Variants in ANKRD26 observed in about 807,000 individuals in gnomAD.
ANKRD26 encodes ankyrin repeat domain-containing protein 26.
In ANKRD26, 141 loss-of-function variants were observed where a neutral mutation model predicts 208.7. The observed-to-expected ratio is 0.68, with a 90% CI of 0.59 to 0.78. ANKRD26 has a LOEUF of 0.78. Ranked by LOEUF, ANKRD26 falls within the 30% of genes least tolerant of loss-of-function variation. ANKRD26 has a pLI of 0.00. For synonymous variants in ANKRD26, 636 were observed against 660.4 expected (o/e 0.96, Z 0.57); for missense variants, 1,889 against 1,938.7 (o/e 0.97, Z 0.48).
chr10:27,037,291 T>C lies in ANKRD26; in HGVS notation c.2592A>G (p.Gln864=). The change falls in exon 23 of 34, where the codon CAA becomes CAG. Residue 864 remains glutamine (Q), a synonymous_variant. Transcript: ENST00000376087. The stretch of plus-strand genomic sequence containing the variant: ...TTCTGGCATTCTGTTCTCGAGAAAG[T>C]TGCCTCTGAGCGTCATTTCGCTCTT... The part of the protein sequence containing the change: ...VVQERNDAQR[Q]LSREQNARML... 6.2e-7 allele frequency: 1 copy of C among 1,613,898 alleles called. No homozygotes were observed. Among genetic ancestry groups the C allele is most frequent in the Non-Finnish European group, 8.5e-7 (1 of 1,179,852 alleles).
chr10:27,067,241 C>A lies in ANKRD26; in HGVS notation c.1123G>T (p.Asp375Tyr), dbSNP rs1350466563. The change falls in exon 10 of 34, where the codon GAT (aspartate) becomes TAT (tyrosine). Residue 375 changes from aspartate to tyrosine, a missense_variant. Physicochemically the swap from Asp to Tyr is radical, Grantham distance 160. Around this residue, in one of 3 missense-constraint regions of ANKRD26, gnomAD observed 1,272 missense variants for 1,273.8 expected, o/e 1.00. Transcript: ENST00000376087. The stretch of plus-strand genomic sequence containing the variant: ...TCTAGTGGAGCACTTTCAATAATAT[C>A]AATACCATTTTCTTTTTTTGCAATG... ...PGIAKKENGI[D>Y]IIESAPLEQT... 41 of 1,613,638 alleles carry A rather than the reference C, an allele frequency of 2.5e-5. No homozygotes were observed. Among genetic ancestry groups the A allele is most frequent in the Non-Finnish European group, 3.1e-5 (37 of 1,179,940 alleles).
At chr10:27,013,763 G>T (rs1295896730) in intron 31 of ANKRD26, among the ~76,000 whole-genome samples, 5 of 152,148 alleles carry the variant, frequency 3.3e-5, no homozygotes, top group African/African-American at 1.2e-4. Flanking sequence ...GCAAAAAATT[G>T]TAGGGGAAAA....
chr10:27,085,942 C>T lies in ANKRD26; in HGVS notation c.709+597G>A, dbSNP rs188276530. Among the ~76,000 whole-genome samples the T allele has an allele frequency of 4.0e-5, 6 of 151,346 alleles. No individual in the cohort carries two copies. In the East Asian group the frequency reaches 1.2e-3, roughly 29 times the overall value. ...CTTAATCATAATTTCTTTCTTGTAGCTTACTTTACTACAATACATTATATA... is the reference window on the plus strand; with the variant it reads ...CTTAATCATAATTTCTTTCTTGTAGTTTACTTTACTACAATACATTATATA... On this transcript the variant is annotated intron_variant, in intron 5 of 33. Coordinates refer to ENST00000376087, the MANE Select transcript of ANKRD26 (RefSeq NM_014915.3).
chr10:27,090,177 G>A (rs554697240), intron 4 of ANKRD26, among the ~76,000 whole-genome samples: 1 of 152,294 alleles, frequency 6.6e-6, no homozygotes, highest in African/African-American at 2.4e-5. Context: ...CAGCCATGGT[G>A]GCTCATGCCT....
chr10:26,962,629 T>G, the ANKRD26 span, among the ~76,000 whole-genome samples: 1 of 152,052 alleles, frequency 6.6e-6, no homozygotes, highest in African/African-American at 2.4e-5. Context: ...ACAACCATAG[T>G]CCCAGGTACT....
At chr10:26,948,395 T>C in the ANKRD26 span, among the ~76,000 whole-genome samples, 1 of 152,178 alleles carries the variant, frequency 6.6e-6, no homozygotes, top group Non-Finnish European at 1.5e-5. Flanking sequence ...ACTCACCTAC[T>C]CCTTCTTGGG....
At chr10:27,033,963 A>T (rs375578180) in intron 24 of ANKRD26, among the ~76,000 whole-genome samples, 7 of 152,296 alleles carry the variant, frequency 4.6e-5, no homozygotes, top group African/African-American at 1.7e-4. Context: ...TTAGTGTGAA[A>T]ATGGTGGTCC....
chr10:26,995,080 T>C (rs1272218977), exon 5 of ANKRD26: 1 of 471,168 alleles, frequency 2.1e-6, no homozygotes, highest in South Asian at 1.5e-5. Context: ...CTATTGCAGG[T>C]CTGTCCTGGA....
intron 27 of ANKRD26, among the ~76,000 whole-genome samples, chr10:27,025,767 A>G (rs2053640643): frequency 6.6e-6 from 1 of 152,038 alleles, no homozygotes; most frequent in Non-Finnish European, 1.5e-5. Flanking sequence ...GAGCTCCTTA[A>G]ATCTCAAGGC....
At chr10:26,963,903 G>GTTTTTTTTT in the ANKRD26 span, among the ~76,000 whole-genome samples, 7 of 71,844 alleles carry the variant, frequency 9.7e-5, 1 homozygote, top group East Asian at 7.4e-4. Flanking sequence ...TGGTTGGTTG[G>GTTTTTTTTT]TTTTTTTTTT....
chr10:27,037,384 G>C, intron 22 of ANKRD26, 61 bp from the exon 23 acceptor site: 1 of 1,566,122 alleles, frequency 6.4e-7, no homozygotes, highest in Non-Finnish European at 8.7e-7. Context: ...AGGTTAACAA[G>C]AGCAGAATTT....
the ANKRD26 span, among the ~76,000 whole-genome samples, chr10:26,955,266 TA>T: frequency 1.3e-5 from 2 of 151,780 alleles, no homozygotes; most frequent in African/African-American, 4.8e-5. Context: ...CCATCTCTAC[TA>T]AAAGTACAAA....
chr10:27,016,579 G>GTTT (rs71281566), intron 30 of ANKRD26, among the ~76,000 whole-genome samples: 3 of 145,756 alleles, frequency 2.1e-5, no homozygotes. Context: ...GCCCAGCTTT[G>GTTT]TTTTTTTTTT....
At chr10:26,973,093 C>T (rs1439877731), downstream of ANKRD26, among the ~76,000 whole-genome samples, 1 of 151,962 alleles carries the variant, frequency 6.6e-6, no homozygotes, top group Non-Finnish European at 1.5e-5. Context: ...GTTCTGGCCT[C>T]GATATATACC....
At chr10:27,089,329 C>T (rs2056221159) in intron 4 of ANKRD26, among the ~76,000 whole-genome samples, 1 of 152,142 alleles carries the variant, frequency 6.6e-6, no homozygotes, top group African/African-American at 2.4e-5. Flanking sequence ...CCCAGGGGGA[C>T]AGTTCAAGAT....
the ANKRD26 span, among the ~76,000 whole-genome samples, chr10:26,965,152 A>C: frequency 4.6e-5 from 7 of 152,218 alleles, no homozygotes; most frequent in African/African-American, 1.7e-4. Context: ...ATATGGAACC[A>C]AAAAAGAGCC....
intron 20 of ANKRD26, among the ~76,000 whole-genome samples, chr10:27,041,776 A>T (rs1160231875): frequency 1.3e-5 from 2 of 152,168 alleles, no homozygotes; most frequent in African/African-American, 4.8e-5. Context: ...CCAAAGAGGA[A>T]GGAAGAGAGA....
In ANKRD26 at chr10:27,040,036, A is replaced by G. The variant is rs1217529287; in HGVS notation, c.2304T>C (p.Ser768=). Residue 768 remains serine, a synonymous_variant, in exon 21 of 34, where the codon TCT becomes TCC. Coordinates refer to ENST00000376087, the MANE Select transcript of ANKRD26 (RefSeq NM_014915.3). Reference sequence around the variant, plus strand: ...ACTGTGATTTTATTTCTTTTGTTTCAGATAGCTCCCTTTGTAGTACATTAA... The same window carrying G: ...ACTGTGATTTTATTTCTTTTGTTTCGGATAGCTCCCTTTGTAGTACATTAA... ...DKVNVLQREL[S]ETKEIKSQLE... is the part of the protein sequence containing the mutation. 3 of 1,613,646 alleles carry G rather than the reference A, an allele frequency of 1.9e-6. No homozygotes were observed. Among genetic ancestry groups the G allele is most frequent in the Admixed American group, 3.3e-5 (2 of 59,998 alleles).
intron 4 of ANKRD26, among the ~76,000 whole-genome samples, chr10:26,982,190 T>A (rs2052318678): frequency 6.6e-6 from 1 of 152,184 alleles, no homozygotes; most frequent in Non-Finnish European, 1.5e-5. Context: ...CAATTTACAT[T>A]GCCAGAGTGA....
Sources: allele counts gnomAD v4.1 joint callset (sites outside exome capture counted in the v4.1 genomes callset), GRCh38; gene constraint gnomAD v4.1.1; regional missense constraint gnomAD v4.1.1; transcripts MANE v1.5; gene names NCBI Gene and HGNC (gene_info 2026-07-23, HGNC 2026-07-21).